The following POR variants were observed in gnomAD, a reference collection of about 807,000 sequenced individuals.
POR encodes cytochrome p450 oxidoreductase, also known as NADPH--cytochrome P450 reductase.
A neutral mutation model predicts 84.0 loss-of-function variants in POR; 56 were observed. The ratio of observed to expected loss-of-function variants is 0.67; its 90% CI spans 0.54 to 0.83. POR has a LOEUF of 0.83. Among genes scored for constraint, POR ranks in the 40% least tolerant of loss-of-function variants. The probability of loss-of-function intolerance (pLI) is 0.00; values close to 1 mark genes in which losing one functional copy is unlikely to be tolerated. For missense variants in POR, 938 were observed against 944.3 expected (o/e 0.99, Z 0.09); for synonymous variants, 414 against 400.5 (o/e 1.03, Z -0.40).
At chr7:75,934,854 G>A (rs1807590768) in intron 1 of POR, among the ~76,000 whole-genome samples, 2 of 152,216 alleles carry the variant, frequency 1.3e-5, no homozygotes, top group South Asian at 4.1e-4. Context: ...GCAAGAGTGA[G>A]GGAGGCTTGG....
chr7:75,975,737 T>C (rs1362831352), intron 3 of POR, among the ~76,000 whole-genome samples: 9 of 152,036 alleles, frequency 5.9e-5, no homozygotes, highest in Admixed American at 5.9e-4. Flanking sequence ...TGCCAAATAA[T>C]GTTTTAATAT....
Position 75,986,357 on chromosome 7 carries a change from G to C in POR, c.1919G>C (p.Arg640Thr). ...CCCAGGGATGCACGGAACATGGCCAGGGATGTGCAGAACACCTTCTACGAC... is the reference window on the plus strand; with the variant it reads ...CCCAGGGATGCACGGAACATGGCCACGGATGTGCAGAACACCTTCTACGAC... Residue 640 changes from arginine (R) to threonine (T), a missense_variant, in exon 16 of 16, where the codon AGG (arginine) becomes ACG (threonine). Coordinates refer to ENST00000461988, the MANE Select transcript of POR (RefSeq NM_000941.3). The C allele has an allele frequency of 1.2e-6, 2 of 1,612,554 alleles. No homozygotes were observed. The highest frequency in any genetic ancestry group is 1.7e-6 in the Non-Finnish European group (2 of 1,179,812).
At chr7:75,925,035 GA>G (rs1807049651) in intron 1 of POR, among the ~76,000 whole-genome samples, 4 of 152,158 alleles carry the variant, frequency 2.6e-5, no homozygotes, top group Admixed American at 2.6e-4. Flanking sequence ...AGGGGGAACT[GA>G]AAGCTGAGAG....
chr7:75,951,496 G>A (rs956319807), intron 1 of POR, among the ~76,000 whole-genome samples: 3 of 152,196 alleles, frequency 2.0e-5, no homozygotes, highest in South Asian at 2.1e-4. Flanking sequence ...CCAAGCTTGC[G>A]GGCCTGTTCT....
chr7:75,921,448 G>A (rs1295220821), intron 1 of POR, among the ~76,000 whole-genome samples: 1 of 152,026 alleles, frequency 6.6e-6, no homozygotes, highest in Non-Finnish European at 1.5e-5. Flanking sequence ...TTTTAGTAGA[G>A]ACAGGGTTTC....
At chr7:75,927,646 T>A (rs535325435) in intron 1 of POR, among the ~76,000 whole-genome samples, 2 of 151,672 alleles carry the variant, frequency 1.3e-5, no homozygotes, top group South Asian at 4.1e-4. Context: ...ATGATGAATT[T>A]TATGGTGTGT....
intron 1 of POR, among the ~76,000 whole-genome samples, chr7:75,952,379 C>T (rs1291455982): frequency 2.2e-5 from 3 of 135,350 alleles, no homozygotes; most frequent in Non-Finnish European, 4.8e-5. Flanking sequence ...AGGCGCCCCT[C>T]ACCTCCCGGA....
At chr7:75,953,926 C>A in intron 1 of POR, 63 bp from the exon 2 acceptor site, 2 of 1,376,770 alleles carry the variant, frequency 1.5e-6, no homozygotes, top group Non-Finnish European at 2.0e-6. Flanking sequence ...GTGGGCACCC[C>A]AGCCAGCCTC....
chr7:75,984,135 C>G (rs1368431457), intron 10 of POR, among the ~76,000 whole-genome samples: 2 of 152,228 alleles, frequency 1.3e-5, no homozygotes, highest in Non-Finnish European at 2.9e-5. Flanking sequence ...CCTGGCTCCC[C>G]CATGGCCACT....
At chr7:75,966,298 T>C (rs1788179843) in intron 2 of POR, among the ~76,000 whole-genome samples, 1 of 152,138 alleles carries the variant, frequency 6.6e-6, no homozygotes, top group Admixed American at 6.5e-5. Context: ...TCAGAGTCCC[T>C]GTCCGCAGAG....
At chr7:75,963,245 G>T (rs147719428) in intron 2 of POR, among the ~76,000 whole-genome samples, 5 of 152,348 alleles carry the variant, frequency 3.3e-5, no homozygotes, top group African/African-American at 1.2e-4. Context: ...GACTGACAAA[G>T]AGGAAAGCAT....
rs1788481505 is a variant in POR at position 75,972,391 on chromosome 7, ATT to A, written c.189-21_189-20del. ...CCCATGACACCTGCCTCCCACGCTC[ATT>A]GCACACTTTTGTCTTGCAGGACCTC... On this transcript the variant is annotated intron_variant, in intron 2 of 15. Transcript: ENST00000461988. 1 of 1,606,068 alleles carries A rather than the reference ATT, an allele frequency of 6.2e-7. No homozygotes were observed. Among genetic ancestry groups the A allele is most frequent in the African/African-American group, 1.3e-5 (1 of 74,836 alleles).
At chr7:75,934,818 G>A (rs1337265700) in intron 1 of POR, among the ~76,000 whole-genome samples, 2 of 152,230 alleles carry the variant, frequency 1.3e-5, no homozygotes, top group African/African-American at 4.8e-5. Flanking sequence ...CTTCAATGTG[G>A]TGGTGAGCCT....
At chr7:75,964,394 G>A (rs1020543276) in intron 2 of POR, among the ~76,000 whole-genome samples, 5 of 151,878 alleles carry the variant, frequency 3.3e-5, no homozygotes, top group African/African-American at 9.7e-5. Flanking sequence ...TGCCACCTCC[G>A]CCTCCCGGCT....
rs372119575 is a variant in POR at position 75,982,211 on chromosome 7, C to T, written c.732-13C>T. On this transcript the variant is annotated splice_polypyrimidine_tract_variant and intron_variant, in intron 7 of 15. Transcript: ENST00000461988. ...GCCGCTTCCCGGCCTCACCCTTGGT[C>T]TCCCCTTTCCAGCATTCGCCAGTAC... 76 of 1,602,350 alleles carry T rather than the reference C, an allele frequency of 4.7e-5. No homozygotes were observed. Among genetic ancestry groups the T allele is most frequent in the Non-Finnish European group, 6.4e-5 (75 of 1,174,436 alleles).
intron 1 of POR, among the ~76,000 whole-genome samples, chr7:75,931,787 C>G (rs1382929858): frequency 2.0e-5 from 3 of 152,188 alleles, no homozygotes; most frequent in Non-Finnish European, 2.9e-5. Context: ...TTAACCACTA[C>G]CAGACTCACC....
At chr7:75,953,050 A>G (rs1787518720) in intron 1 of POR, among the ~76,000 whole-genome samples, 1 of 151,950 alleles carries the variant, frequency 6.6e-6, no homozygotes. Flanking sequence ...AGGGAACGAG[A>G]CTCCGTCTGC....
chr7:75,967,489 G>C (rs1362848235), intron 2 of POR, among the ~76,000 whole-genome samples: 1 of 152,128 alleles, frequency 6.6e-6, no homozygotes, highest in African/African-American at 2.4e-5. Context: ...TCTTTTGTGT[G>C]GGGGAAGACA....
chr7:75,924,365 G>A (rs1807014632), intron 1 of POR, among the ~76,000 whole-genome samples: 1 of 152,120 alleles, frequency 6.6e-6, no homozygotes, highest in African/African-American at 2.4e-5. Context: ...GGATGCTGAA[G>A]ACATGAATAA....
Sources: gnomAD v4.1 joint callset for allele counts (sites outside exome capture counted in the v4.1 genomes callset) on GRCh38, gnomAD v4.1.1 for gene constraint, MANE v1.5 for transcripts, NCBI Gene and HGNC (gene_info 2026-07-23, HGNC 2026-07-21) for gene names.